Variants in TAF4 observed in about 807,000 individuals in gnomAD.
TAF4 encodes the protein transcription initiation factor TFIID subunit 4.
Under a neutral mutation model 90.3 loss-of-function variants are expected in TAF4, and 9 were observed. That is an observed-to-expected ratio of 0.10 (90% CI 0.06 to 0.17). The LOEUF is 0.17. Among genes scored for constraint, TAF4 ranks in the 10% least tolerant of loss-of-function variants. The pLI is 1.00. For synonymous variants in TAF4, 818 were observed against 638.9 expected (o/e 1.28, Z -4.23); for missense variants, 1,351 against 1,370.7 (o/e 0.99, Z 0.23).
In TAF4 at chr20:62,006,480, G is replaced by T; in HGVS notation, c.2223+30C>A. On this transcript the variant is annotated intron_variant, in intron 7 of 14. Transcript: ENST00000252996. This position sits in a 1 kb window ranked among gnomAD's most constrained non-coding sequence, Gnocchi z 7.0. ...GGCGGGAGCAGAGGCACGGTGGGCT[G>T]TGCAGACCAGTCAGGCGCCCCTTCC... 6.8e-7 allele frequency: 1 copy of T among 1,463,962 alleles called. No homozygotes were observed. The allele number at this position is 1,463,962 out of a possible 1,614,324, so 90.7% of individuals were successfully genotyped here.
rs190081272 is a variant in TAF4, at chr20:62,026,445, C to G, written c.1361-11738G>C. Among the ~76,000 whole-genome samples the G allele has an allele frequency of 1.4e-4, 21 of 152,268 alleles. 1 individual carries two copies. The East Asian group carries it at 3.1e-3, about 22-fold the overall frequency. On this transcript the variant is annotated intron_variant, in intron 1 of 14. Transcript: ENST00000252996. ...CAGCCTCCGAATGAAAGTGCGTGCT[C>G]AAGTCTCTGAAAAATAACACCAAGC...
chr20:61,993,280 C>G (rs1378172773), intron 14 of TAF4, among the ~76,000 whole-genome samples: 1 of 152,174 alleles, frequency 6.6e-6, no homozygotes, highest in Non-Finnish European at 1.5e-5. Flanking sequence ...TGAGGGGACA[C>G]AAGAGCAGCC....
chr20:62,048,312 A>G (rs1016629252), intron 1 of TAF4, among the ~76,000 whole-genome samples: 1 of 152,138 alleles, frequency 6.6e-6, no homozygotes, highest in African/African-American at 2.4e-5. Flanking sequence ...TCCTGGACAC[A>G]CCTAGGAAAG....
At chr20:62,063,389 G>C (rs147751160) in intron 1 of TAF4, among the ~76,000 whole-genome samples, 1 of 151,972 alleles carries the variant, frequency 6.6e-6, no homozygotes, top group Admixed American at 6.6e-5. Flanking sequence ...ACAACTGCAC[G>C]GCACGCGTCA....
At chr20:61,978,679 C>T (rs994764023) in intron 14 of TAF4, among the ~76,000 whole-genome samples, 1 of 151,682 alleles carries the variant, frequency 6.6e-6, no homozygotes, top group Admixed American at 6.5e-5. Context: ...GGGGGCGAGA[C>T]CAACCAAGGC....
intron 1 of TAF4, among the ~76,000 whole-genome samples, chr20:62,045,436 G>A (rs1326414964): frequency 2.0e-5 from 3 of 152,212 alleles, no homozygotes; most frequent in East Asian, 1.9e-4. Flanking sequence ...GAGAACAGGC[G>A]CAGAATCCCT....
intron 1 of TAF4, among the ~76,000 whole-genome samples, chr20:62,053,523 C>T (rs759020257): frequency 2.0e-5 from 3 of 152,218 alleles, no homozygotes; most frequent in African/African-American, 4.8e-5. Flanking sequence ...AAGGGAGCCA[C>T]GAGCGACGTT....
rs1202423815 is a variant in TAF4 at position 62,019,535 on chromosome 20, C to T, written c.1361-4828G>A. Among the ~76,000 whole-genome samples, 4 of 152,360 alleles carry T rather than the reference C, an allele frequency of 2.6e-5. No homozygotes were observed. The East Asian group carries it at 5.8e-4, about 22-fold the overall frequency. ...TCTCCACTCTCCCAGCGGTTCAAGG[C>T]CACACTGCTTGAGGCGGGCAATGCA... On this transcript the variant is annotated intron_variant, in intron 1 of 14. Coordinates refer to ENST00000252996, the MANE Select transcript of TAF4 (RefSeq NM_003185.4).
chr20:61,981,942 A>G (rs1224553976), intron 14 of TAF4, among the ~76,000 whole-genome samples: 3 of 142,062 alleles, frequency 2.1e-5, no homozygotes, highest in African/African-American at 8.1e-5. Flanking sequence ...AAACCCACAC[A>G]ACCCACACCC....
At chr20:61,984,175 C>A (rs928322026) in intron 14 of TAF4, among the ~76,000 whole-genome samples, 2 of 152,126 alleles carry the variant, frequency 1.3e-5, no homozygotes, top group African/African-American at 4.8e-5. Flanking sequence ...GGATGTCCAC[C>A]CGCTCATCAC....
Position 61,976,430 on chromosome 20 carries a change from AG to A in TAF4, c.3091-96del. The A allele has an allele frequency of 2.1e-6, 3 of 1,455,670 alleles. No homozygotes were observed. In the South Asian group the frequency reaches 3.6e-5, roughly 17 times the overall value. The allele number at this position is 1,455,670 out of a possible 1,614,324, so 90.2% of individuals were successfully genotyped here. On this transcript the variant is annotated intron_variant, in intron 14 of 14. Transcript: ENST00000252996. ...TCTGAGCCAAGTACCCCGATTCCAG[AG>A]GAGGCCAGGCCTGGCACGGGCTCCT...
At chr20:62,013,374 A>T (rs368376556) in intron 2 of TAF4, among the ~76,000 whole-genome samples, 15 of 152,338 alleles carry the variant, frequency 9.8e-5, no homozygotes, top group African/African-American at 3.6e-4. Flanking sequence ...GGACAGAGGG[A>T]CGCCACAAGT....
chr20:62,033,202 C>T (rs1303323599), intron 1 of TAF4, among the ~76,000 whole-genome samples: 2 of 152,252 alleles, frequency 1.3e-5, no homozygotes, highest in East Asian at 1.9e-4. Context: ...GTGGCCTCAG[C>T]CCCCAGCGGA....
At position 62,010,310 on chromosome 20, in the gene TAF4, A is replaced by G; in HGVS notation, c.1642-145T>C. ...AAGCCAAGGACCCCGGCCACCTGCCAGCCCGCTGGACACGGGAGTGCTGCT... is the reference window on the plus strand; with the variant it reads ...AAGCCAAGGACCCCGGCCACCTGCCGGCCCGCTGGACACGGGAGTGCTGCT... On this transcript the variant is annotated intron_variant, in intron 3 of 14. Transcript: ENST00000252996. This position sits in a 1 kb window ranked among gnomAD's most constrained non-coding sequence, Gnocchi z 4.5. The G allele has an allele frequency of 8.1e-7, 1 of 1,228,616 alleles. No homozygotes were observed. The allele number at this position is 1,228,616 out of a possible 1,614,324, so 76.1% of individuals were successfully genotyped here.
At chr20:62,014,262 G>A (rs904373517) in intron 2 of TAF4, among the ~76,000 whole-genome samples, 7 of 152,052 alleles carry the variant, frequency 4.6e-5, no homozygotes, top group African/African-American at 1.4e-4. Context: ...GGGCCAGAGC[G>A]GCCAACCCTG....
At chr20:62,048,271 C>T (rs2056005037) in intron 1 of TAF4, among the ~76,000 whole-genome samples, 1 of 152,196 alleles carries the variant, frequency 6.6e-6, no homozygotes, top group African/African-American at 2.4e-5. Context: ...TTTCTAAAAA[C>T]CAAGAGGCAG....
At chr20:62,033,781 G>C (rs1295978329) in intron 1 of TAF4, among the ~76,000 whole-genome samples, 1 of 150,742 alleles carries the variant, frequency 6.6e-6, no homozygotes, top group Non-Finnish European at 1.5e-5. Flanking sequence ...GGTGGCTCAC[G>C]CCTGTCATCT....
At chr20:62,023,816 C>G (rs1334195087) in intron 1 of TAF4, among the ~76,000 whole-genome samples, 1 of 151,054 alleles carries the variant, frequency 6.6e-6, no homozygotes, top group Non-Finnish European at 1.5e-5. Context: ...CAGGGCCGGG[C>G]TCACACCTGT....
intron 14 of TAF4, chr20:61,981,142 C>G (rs2055538561): frequency 6.6e-6 from 1 of 152,274 alleles, no homozygotes; most frequent in African/African-American, 2.4e-5. Context: ...AGGACCCGCT[C>G]AAGACCTGGA....
Sources: gnomAD v4.1 joint callset for allele counts (sites outside exome capture counted in the v4.1 genomes callset) on GRCh38, gnomAD v4.1.1 for gene constraint, Gnocchi (gnomAD v3.1) non-coding constraint, MANE v1.5 for transcripts, NCBI Gene and HGNC (gene_info 2026-07-23, HGNC 2026-07-21) for gene names.